Variants in GRIK4 observed in about 807,000 individuals in gnomAD.
GRIK4 encodes the protein glutamate ionotropic receptor kainate type subunit 4.
Under a neutral mutation model 104.9 loss-of-function variants are expected in GRIK4, and 40 were observed. The ratio of observed to expected loss-of-function variants is 0.38; its 90% CI spans 0.30 to 0.50. GRIK4 has a LOEUF of 0.50. GRIK4 is among the 20% of genes least tolerant of loss of function. The probability of loss-of-function intolerance (pLI) is 0.93; values close to 1 mark genes in which losing one functional copy is unlikely to be tolerated. For synonymous variants in GRIK4, 485 were observed against 524.9 expected (o/e 0.92, Z 1.04); for missense variants, 1,047 against 1,308.1 (o/e 0.80, Z 3.08).
Position 120,952,536 on chromosome 11 carries a change from G to A in GRIK4, c.1591-319G>A, listed in dbSNP as rs927470961. Among the ~76,000 whole-genome samples the A allele has an allele frequency of 2.6e-5, 4 of 152,122 alleles. No individual in the cohort carries two copies. The highest frequency in any genetic ancestry group is 1.3e-4 in the Admixed American group (2 of 15,274). The stretch of plus-strand genomic sequence containing the variant: ...CTTCCTGAGTCCATCCTCCACCCCC[G>A]ATGGAGGACACAGGGTGGTACTTCG... On this transcript the variant is annotated intron_variant, in intron 14 of 20. Coordinates refer to ENST00000527524, the MANE Select transcript of GRIK4 (RefSeq NM_014619.5). This position sits in a 1 kb window ranked among gnomAD's most constrained non-coding sequence, Gnocchi z 5.2.
intron 1 of GRIK4, among the ~76,000 whole-genome samples, chr11:120,592,417 C>T (rs1948745986): frequency 6.6e-6 from 1 of 152,218 alleles, no homozygotes; most frequent in African/African-American, 2.4e-5. Flanking sequence ...ATGACGAACC[C>T]TGAGAACAAG....
intron 3 of GRIK4, among the ~76,000 whole-genome samples, chr11:120,700,264 CTT>C (rs34617192): frequency 0.015 from 1,797 of 118,174 alleles, 23 homozygotes; most frequent in African/African-American, 0.05. Flanking sequence ...TATATTACTA[CTT>C]TTTTTTTTTT....
At chr11:120,691,670 C>G (rs1348389698) in intron 3 of GRIK4, among the ~76,000 whole-genome samples, 2 of 152,148 alleles carry the variant, frequency 1.3e-5, no homozygotes, top group Non-Finnish European at 2.9e-5. Flanking sequence ...TTCCTCATCC[C>G]CATTGAACCC....
intron 13 of GRIK4, among the ~76,000 whole-genome samples, chr11:120,917,269 A>AAAGAAAG (rs1555093244): frequency 9.4e-5 from 13 of 138,356 alleles, no homozygotes; most frequent in African/African-American, 2.4e-4. Flanking sequence ...AAAAAAAAAA[A>AAAGAAAG]AAAGAAAGAA....
Position 120,922,032 on chromosome 11 carries a change from G to A in GRIK4, c.1476+16539G>A, listed in dbSNP as rs1277502456. Among the ~76,000 whole-genome samples the A allele has an allele frequency of 2.6e-5, 4 of 152,158 alleles. No individual in the cohort carries two copies. In the South Asian group the frequency reaches 6.3e-4, roughly 24 times the overall value. On this transcript the variant is annotated intron_variant, in intron 13 of 20. Coordinates refer to ENST00000527524, the MANE Select transcript of GRIK4 (RefSeq NM_014619.5). Reference sequence around the variant, plus strand: ...TGCCCACCCCACCCATCTGGACTTCGGAGCCACCTCACCCAGACTCCCAAC... The same window carrying A: ...TGCCCACCCCACCCATCTGGACTTCAGAGCCACCTCACCCAGACTCCCAAC...
chr11:120,783,938 G>A (rs1024870520), intron 3 of GRIK4, among the ~76,000 whole-genome samples: 1 of 152,124 alleles, frequency 6.6e-6, no homozygotes, highest in African/African-American at 2.4e-5. Flanking sequence ...TTGAGACTTC[G>A]GCAGACGACT....
At position 120,987,001 on chromosome 11, in the gene GRIK4, G is replaced by A. The variant is rs772699962; in HGVS notation, c.*741G>A. The A allele has an allele frequency of 6.6e-6, 1 of 152,244 alleles. No homozygotes were observed. Among genetic ancestry groups the A allele is most frequent in the Non-Finnish European group, 1.5e-5 (1 of 68,076 alleles). The allele number at this position is 152,244 out of a possible 1,614,324, so 9.4% of individuals were successfully genotyped here. On this transcript the variant is annotated 3_prime_UTR_variant, in exon 21 of 21. Coordinates refer to ENST00000527524, the MANE Select transcript of GRIK4 (RefSeq NM_014619.5). ...TGGAGAGTCTCAAAAGTCCATTGCAGTAAACTTTGAGATGCCAAAAAGCAA... is the reference window on the plus strand; with the variant it reads ...TGGAGAGTCTCAAAAGTCCATTGCAATAAACTTTGAGATGCCAAAAAGCAA...
rs570461085 is a variant in GRIK4, at chr11:120,521,316, C to G, written c.-159+9429C>G. 3.3e-5 allele frequency among the ~76,000 whole-genome samples: 5 copies of G among 152,202 alleles called. No individual in the cohort carries two copies. The East Asian group carries it at 5.8e-4, about 18-fold the overall frequency. ...TCAAACTCCTGAGCTCAAGTGATCC[C>G]TCATCTTGGCCTCCAAAAGTGCTGG... On this transcript the variant is annotated intron_variant, in intron 1 of 20. Transcript: ENST00000527524.
chr11:120,566,039 G>A (rs1029405872), intron 1 of GRIK4, among the ~76,000 whole-genome samples: 1 of 152,220 alleles, frequency 6.6e-6, no homozygotes, highest in East Asian at 1.9e-4. Context: ...ATCTGAGCCA[G>A]GCCCACAGAG....
chr11:120,565,841 G>C (rs1376468817), intron 1 of GRIK4, among the ~76,000 whole-genome samples: 1 of 152,202 alleles, frequency 6.6e-6, no homozygotes, highest in African/African-American at 2.4e-5. Context: ...AGTTGCCAGG[G>C]AATGGACAAA....
Position 120,939,445 on chromosome 11 carries a change from T to A in GRIK4, c.1477-902T>A, listed in dbSNP as rs992663087. On this transcript the variant is annotated intron_variant, in intron 13 of 20. Coordinates refer to ENST00000527524, the MANE Select transcript of GRIK4 (RefSeq NM_014619.5). The surrounding 1 kb of genome is among the most constrained non-coding windows in gnomAD (Gnocchi z 5.6). ...AGTTTCACCTGGACAGCGACATAAG[T>A]GGCCAGTGATCCAGGAGGCCTGAAT... Among the ~76,000 whole-genome samples, 2 of 152,194 alleles carry A rather than the reference T, an allele frequency of 1.3e-5. No homozygotes were observed. Among genetic ancestry groups the A allele is most frequent in the Non-Finnish European group, 2.9e-5 (2 of 68,028 alleles).
chr11:120,829,014 C>G (rs1012459833), intron 6 of GRIK4, among the ~76,000 whole-genome samples: 1 of 152,224 alleles, frequency 6.6e-6, no homozygotes, highest in Admixed American at 6.5e-5. Context: ...CCAGCCTTCC[C>G]TGTCTCGTCC....
At chr11:120,585,917 T>C (rs1948657461) in intron 1 of GRIK4, among the ~76,000 whole-genome samples, 1 of 152,180 alleles carries the variant, frequency 6.6e-6, no homozygotes. Flanking sequence ...GTGCCATTTC[T>C]AAGATGGGAG....
intron 1 of GRIK4, among the ~76,000 whole-genome samples, chr11:120,517,969 G>C (rs1947751221): frequency 6.6e-6 from 1 of 152,206 alleles, no homozygotes; most frequent in Non-Finnish European, 1.5e-5. Flanking sequence ...TAATGAAAAA[G>C]AAAAGTTTAA....
chr11:120,649,328 A>G (rs1949587290), intron 1 of GRIK4, among the ~76,000 whole-genome samples: 1 of 152,026 alleles, frequency 6.6e-6, no homozygotes, highest in Non-Finnish European at 1.5e-5. Context: ...GATAGGGCCT[A>G]CTTTCTGACG....
At chr11:120,787,852 CT>C (rs58523604) in intron 3 of GRIK4, among the ~76,000 whole-genome samples, 18 of 77,100 alleles carry the variant, frequency 2.3e-4, no homozygotes, top group African/African-American at 1.0e-3. Context: ...CTTTTCTTTT[CT>C]TTTTTTTTTT....
At chr11:120,942,948 C>T (rs537129434) in intron 14 of GRIK4, among the ~76,000 whole-genome samples, 3 of 152,176 alleles carry the variant, frequency 2.0e-5, no homozygotes, top group Admixed American at 1.3e-4. Flanking sequence ...CCTGAGGTTT[C>T]GTGAAGAAGG....
intron 11 of GRIK4, among the ~76,000 whole-genome samples, chr11:120,891,996 G>A (rs1336928795): frequency 6.6e-6 from 1 of 152,172 alleles, no homozygotes; most frequent in Non-Finnish European, 1.5e-5. Context: ...AATGGGCGAG[G>A]CTACGTTCCA....
rs1944168410 is a variant in GRIK4 at position 120,956,954 on chromosome 11, G to A, written c.1874+1G>A. 2 of 1,601,302 alleles carry A rather than the reference G, an allele frequency of 1.2e-6. No individual in the cohort carries two copies. The highest frequency in any genetic ancestry group is 8.5e-7 in the Non-Finnish European group (1 of 1,173,622). Reference sequence around the variant, plus strand: ...CCACCCGCTGTGTCAGTGGCGTCTGGTAAGGCCCCAGGCAGAGGTGAACCA... The same window carrying A: ...CCACCCGCTGTGTCAGTGGCGTCTGATAAGGCCCCAGGCAGAGGTGAACCA... On this transcript the variant is annotated splice_donor_variant, in intron 16 of 20. Transcript: ENST00000527524. LOFTEE classifies it high-confidence loss of function. The surrounding 1 kb of genome is among the most constrained non-coding windows in gnomAD (Gnocchi z 4.6).
Sources: gnomAD v4.1 joint callset for allele counts (sites outside exome capture counted in the v4.1 genomes callset) on GRCh38, gnomAD v4.1.1 for gene constraint, Gnocchi (gnomAD v3.1) non-coding constraint, MANE v1.5 for transcripts, NCBI Gene and HGNC (gene_info 2026-07-23, HGNC 2026-07-21) for gene names.